Variants in NAV3 observed in about 807,000 individuals in gnomAD.
The protein encoded by NAV3 is neuron navigator 3.
A neutral mutation model predicts 244.7 loss-of-function variants in NAV3; 87 were observed. The ratio of observed to expected loss-of-function variants is 0.36; its 90% CI spans 0.30 to 0.42. NAV3 has a LOEUF of 0.42. Ranked by LOEUF, NAV3 falls within the 20% of genes least tolerant of loss-of-function variation. The pLI is 1.00. For missense variants in NAV3, 2,663 were observed against 2,893.3 expected, an observed-to-expected ratio of 0.92 and a Z score of 1.83; for synonymous variants, 1,126 against 1,042.2, an observed-to-expected ratio of 1.08 and a Z score of -1.55.
chr12:77,594,160 C>T lies in NAV3; in HGVS notation c.72+21894C>T, dbSNP rs555384632. Reference sequence around the variant, plus strand: ...TTAGCAGAGGAATTATGGATATTATCTCACATATTTACAATTGTAGGCACT... The same window carrying T: ...TTAGCAGAGGAATTATGGATATTATTTCACATATTTACAATTGTAGGCACT... On this transcript the variant is annotated intron_variant, in intron 2 of 8. Transcript: ENST00000550042. 5.3e-5 allele frequency among the ~76,000 whole-genome samples: 8 copies of T among 152,230 alleles called. No homozygotes were observed. In the South Asian group the frequency reaches 1.7e-3, roughly 32 times the overall value.
At chr12:78,204,559 A>C (rs1960082836) in intron 38 of NAV3, among the ~76,000 whole-genome samples, 1 of 152,072 alleles carries the variant, frequency 6.6e-6, no homozygotes. Flanking sequence ...ACTTAATATC[A>C]AGCATATTTT....
At chr12:78,081,798 C>T (rs1033243971) in intron 12 of NAV3, among the ~76,000 whole-genome samples, 4 of 152,266 alleles carry the variant, frequency 2.6e-5, no homozygotes, top group East Asian at 1.9e-4. Context: ...CCCCTTTCCC[C>T]GGGCAGCTCA....
intron 1 of NAV3, among the ~76,000 whole-genome samples, chr12:77,838,577 C>A (rs566809014): frequency 6.6e-6 from 1 of 151,838 alleles, no homozygotes; most frequent in East Asian, 1.9e-4. Context: ...TTTCTTGTGT[C>A]GTAGACATCT....
intron 2 of NAV3, among the ~76,000 whole-genome samples, chr12:77,735,673 A>G (rs1374136453): frequency 6.6e-6 from 1 of 152,158 alleles, no homozygotes; most frequent in Non-Finnish European, 1.5e-5. Flanking sequence ...TTGGAAAGAC[A>G]TATTGTAAAA....
chr12:78,193,578 A>G (rs1347012567), intron 34 of NAV3, among the ~76,000 whole-genome samples: 2 of 152,100 alleles, frequency 1.3e-5, no homozygotes, highest in Non-Finnish European at 2.9e-5. Context: ...CTTCTACCTG[A>G]CTAGATCTGG....
chr12:77,649,336 T>G (rs1382483269), intron 2 of NAV3, among the ~76,000 whole-genome samples: 1 of 152,172 alleles, frequency 6.6e-6, no homozygotes, highest in African/African-American at 2.4e-5. Context: ...ATATAGATTT[T>G]TAGTAATAAG....
chr12:77,714,343 TTTA>T lies in NAV3; in HGVS notation c.72+142080_72+142082del, dbSNP rs567096883. 6.9e-4 allele frequency among the ~76,000 whole-genome samples: 105 copies of T among 152,188 alleles called. 1 individual carries two copies. The highest frequency in any genetic ancestry group is 2.3e-3 in the African/African-American group (97 of 41,546). On this transcript the variant is annotated intron_variant, in intron 2 of 8. Transcript: ENST00000550042. ...AAAATTCCTCAGTTCAGGCTATTTT[TTTA>T]TTGTTGTTGTTTCTAGCTTGCTAAT...
intron 3 of NAV3, among the ~76,000 whole-genome samples, chr12:77,962,641 C>A (rs533546504): frequency 7.2e-5 from 11 of 152,134 alleles, no homozygotes; most frequent in Non-Finnish European, 1.5e-5. Flanking sequence ...CCACGAACCC[C>A]ACCAGAAAAG....
At chr12:78,109,584 A>T (rs142108969) in intron 12 of NAV3, among the ~76,000 whole-genome samples, 77 of 152,198 alleles carry the variant, frequency 5.1e-4, no homozygotes, top group Non-Finnish European at 8.7e-4. Context: ...CAGCACATCA[A>T]AAAAATAATA....
At chr12:77,874,447 C>T (rs1010895446) in intron 1 of NAV3, among the ~76,000 whole-genome samples, 2 of 151,994 alleles carry the variant, frequency 1.3e-5, no homozygotes, top group Non-Finnish European at 2.9e-5. Context: ...TGGGCTCAAG[C>T]AGTCCTTCCT....
chr12:77,584,912 ATGCC>A (rs1869530396), intron 2 of NAV3, among the ~76,000 whole-genome samples: 2 of 152,210 alleles, frequency 1.3e-5, no homozygotes, highest in Admixed American at 1.3e-4. Flanking sequence ...ATAATTATGC[ATGCC>A]TCCAGCTACC....
intron 2 of NAV3, among the ~76,000 whole-genome samples, chr12:77,610,026 T>C (rs1265855215): frequency 2.0e-5 from 3 of 152,062 alleles, no homozygotes; most frequent in Admixed American, 6.6e-5. Flanking sequence ...AAATTTATTC[T>C]TTCCTAGTCT....
chr12:78,007,169 G>A lies in NAV3; in HGVS notation c.1631G>A (p.Gly544Asp), dbSNP rs2136589740. The A allele has an allele frequency of 6.2e-7, 1 of 1,614,082 alleles. No homozygotes were observed. The highest frequency in any genetic ancestry group is 8.5e-7 in the Non-Finnish European group (1 of 1,180,024). The change falls in exon 8 of 40, where the codon GGC (glycine) becomes GAC (aspartate). Residue 544 changes from glycine (G) to aspartate (D), a missense_variant. By Grantham distance (94) the Gly-to-Asp change is moderately conservative. Around this residue, in one of 6 missense-constraint regions of NAV3, gnomAD observed 1,521 missense variants for 1,497.0 expected, o/e 1.02. Transcript: ENST00000397909. ...VPTVKQTISPGSTASKESEKF... is the reference protein window; with the variant it reads ...VPTVKQTISPDSTASKESEKF... ...ACAGTAAAGCAAACCATTTCACCTG[G>A]CAGCACAGCAAGCAAAGAGTCTGAG...
chr12:77,959,092 G>A (rs964757537), intron 3 of NAV3, among the ~76,000 whole-genome samples: 1 of 152,062 alleles, frequency 6.6e-6, no homozygotes, highest in Non-Finnish European at 1.5e-5. Context: ...TTCCAGCAAC[G>A]ACATGGTATT....
In NAV3 at chr12:77,680,601, T is replaced by C. The variant is rs1874406226; in HGVS notation, c.72+108335T>C. ...AGAAAGATGGTATTTTGTACTTCAT[T>C]GCCAAATTCTTTTATCCTGTTTCTC... On this transcript the variant is annotated intron_variant, in intron 2 of 8. Transcript: ENST00000550042. 2.6e-5 allele frequency among the ~76,000 whole-genome samples: 4 copies of C among 152,208 alleles called. No homozygotes were observed. The South Asian group carries it at 8.3e-4, about 32-fold the overall frequency.
At chr12:77,909,831 C>G (rs903130200) in intron 1 of NAV3, among the ~76,000 whole-genome samples, 7 of 152,010 alleles carry the variant, frequency 4.6e-5, no homozygotes, top group Admixed American at 3.3e-4. Flanking sequence ...AATGGTATCA[C>G]AATTTACTTT....
intron 2 of NAV3, among the ~76,000 whole-genome samples, chr12:77,813,245 A>G (rs1872378631): frequency 6.6e-6 from 1 of 152,132 alleles, no homozygotes; most frequent in Admixed American, 6.5e-5. Context: ...TCAGCTCAAC[A>G]TTGATTACTC....
intron 2 of NAV3, among the ~76,000 whole-genome samples, chr12:77,664,840 G>T (rs1004657078): frequency 6.6e-6 from 1 of 152,184 alleles, no homozygotes. Flanking sequence ...ATCTTAATCT[G>T]CATGTAATAG....
At chr12:78,183,842 A>G (rs1421615410) in intron 30 of NAV3, among the ~76,000 whole-genome samples, 2 of 151,800 alleles carry the variant, frequency 1.3e-5, no homozygotes, top group Admixed American at 6.6e-5. Flanking sequence ...CATCCACATC[A>G]TTTCATACTA....
Sources: gnomAD v4.1 joint callset for allele counts (sites outside exome capture counted in the v4.1 genomes callset) on GRCh38, gnomAD v4.1.1 for gene constraint, gnomAD v4.1.1 regional missense constraint, MANE v1.5 for transcripts, NCBI Gene and HGNC (gene_info 2026-07-23, HGNC 2026-07-21) for gene names.